The following ZC3H7B variants were observed in gnomAD, a reference collection of about 807,000 sequenced individuals.
ZC3H7B encodes the protein zinc finger CCCH domain-containing protein 7B.
Under a neutral mutation model 116.0 loss-of-function variants are expected in ZC3H7B, and 35 were observed. The observed-to-expected ratio is 0.30, with a 90% CI of 0.23 to 0.40. The LOEUF (loss-of-function observed/expected upper bound fraction) is 0.40. ZC3H7B is among the 10% of genes least tolerant of loss of function. The pLI is 1.00. For missense variants in ZC3H7B, 1,011 were observed against 1,321.5 expected, an observed-to-expected ratio of 0.77 and a Z score of 3.64; for synonymous variants, 502 against 545.6, an observed-to-expected ratio of 0.92 and a Z score of 1.11.
At chr22:41,307,575 A>G (rs1883827) in intron 1 of ZC3H7B, among the ~76,000 whole-genome samples, 50,035 of 152,064 alleles carry the variant, frequency 0.33, 8,770 homozygotes, top group Admixed American at 0.51. Context: ...GCTGAGACAC[A>G]AGCTTGGTGG....
chr22:41,324,820 G>A lies in ZC3H7B; in HGVS notation c.54-744G>A, dbSNP rs1170392500. ...GGACCTGTGGTCTCGGATTTGGTTT[G>A]ATGGGGCGTGGTCCTTCCCAAGGCC... is the stretch of plus-strand genomic sequence containing the variant. On this transcript the variant is annotated intron_variant, in intron 2 of 22. Transcript: ENST00000352645. Among the ~76,000 whole-genome samples the A allele has an allele frequency of 2.0e-5, 3 of 152,180 alleles. No individual in the cohort carries two copies. In the East Asian group the frequency reaches 5.8e-4, roughly 29 times the overall value.
intron 1 of ZC3H7B, among the ~76,000 whole-genome samples, chr22:41,311,068 C>CTTT (rs747090159): frequency 2.3e-5 from 3 of 132,136 alleles, no homozygotes; most frequent in Non-Finnish European, 3.3e-5. Context: ...CCCAGCCTCA[C>CTTT]TTTTTTTTTT....
At chr22:41,309,301 C>T (rs181301093) in intron 1 of ZC3H7B, among the ~76,000 whole-genome samples, 8 of 151,202 alleles carry the variant, frequency 5.3e-5, no homozygotes, top group African/African-American at 7.3e-5. Flanking sequence ...TGAGCCACCG[C>T]GCCCGGCCTG....
intron 11 of ZC3H7B, among the ~76,000 whole-genome samples, chr22:41,341,614 G>A (rs536846392): frequency 6.6e-6 from 1 of 151,892 alleles, no homozygotes; most frequent in East Asian, 1.9e-4. Flanking sequence ...GTGGTGGTGG[G>A]CACCTGTAGT....
In ZC3H7B at chr22:41,351,294, A is replaced by G. The variant is rs1303675071; in HGVS notation, c.1949-267A>G. On this transcript the variant is annotated intron_variant, in intron 16 of 22. Transcript: ENST00000352645. The surrounding 1 kb of genome is among the most constrained non-coding windows in gnomAD (Gnocchi z 5.1). ...ATGGGAGCAGAGGACTCCCTACCAC[A>G]GTACAGAGCCAATATCTTTCTACTG... 1.3e-5 allele frequency among the ~76,000 whole-genome samples: 2 copies of G among 152,200 alleles called. No individual in the cohort carries two copies. Among genetic ancestry groups the G allele is most frequent in the African/African-American group, 4.8e-5 (2 of 41,438 alleles).
chr22:41,319,194 G>A (rs2036221503), intron 1 of ZC3H7B, among the ~76,000 whole-genome samples: 2 of 152,114 alleles, frequency 1.3e-5, no homozygotes, highest in African/African-American at 2.4e-5. Context: ...GAGGTCAGGC[G>A]ATCGAGACCA....
chr22:41,309,042 C>A (rs1457021846), intron 1 of ZC3H7B, among the ~76,000 whole-genome samples: 2 of 104,366 alleles, frequency 1.9e-5, no homozygotes, highest in African/African-American at 6.8e-5. Context: ...GACGGAGTTT[C>A]GCTCTGTCGC....
chr22:41,319,627 A>G (rs1042429558), intron 1 of ZC3H7B, among the ~76,000 whole-genome samples: 3 of 150,712 alleles, frequency 2.0e-5, no homozygotes, highest in African/African-American at 7.3e-5. Flanking sequence ...GAATTATAGC[A>G]CCCTGTCACT....
intron 1 of ZC3H7B, among the ~76,000 whole-genome samples, chr22:41,315,075 G>C (rs1366825327): frequency 6.6e-6 from 1 of 151,804 alleles, no homozygotes; most frequent in Middle Eastern, 3.4e-3. Flanking sequence ...CTTTCAAGAT[G>C]CTCACCTCCC....
At position 41,335,754 on chromosome 22, in the gene ZC3H7B, G is replaced by A. The variant is rs551945317; in HGVS notation, c.583-2559G>A. On this transcript the variant is annotated intron_variant, in intron 7 of 22. Transcript: ENST00000352645. ...GGTGCAGGGTGTTGGTGCAGGTATGGATGGGGGAGTGTACAGTTCCAGGGG... is the reference window on the plus strand; with the variant it reads ...GGTGCAGGGTGTTGGTGCAGGTATGAATGGGGGAGTGTACAGTTCCAGGGG... 8 of 153,196 alleles carry A rather than the reference G, an allele frequency of 5.2e-5. No homozygotes were observed. The South Asian group carries it at 1.7e-3, about 32-fold the overall frequency. The allele number at this position is 153,196 out of a possible 1,614,324, so 9.5% of individuals were successfully genotyped here. A position where few individuals can be genotyped will look rare whatever the true frequency, so the allele number is the denominator to read the frequency against.
At position 41,325,892 on chromosome 22, in the gene ZC3H7B, A is replaced by C; in HGVS notation, c.259A>C (p.Asn87His). ...GGAGCTGCTGTGCAAGCTGCATGTCAATAGGGCCGCCTGCTACTTCACCAT... is the reference window on the plus strand; with the variant it reads ...GGAGCTGCTGTGCAAGCTGCATGTCCATAGGGCCGCCTGCTACTTCACCAT... Reference protein sequence around the residue: ...PRELLCKLHVNRAACYFTMGL... With the variant: ...PRELLCKLHVHRAACYFTMGL... Residue 87 changes from asparagine to histidine, a missense_variant, in exon 4 of 23, where the codon AAT (asparagine) becomes CAT (histidine). Asn to His is a moderately conservative substitution (Grantham distance 68, BLOSUM62 1). Transcript: ENST00000352645. 2 of 1,609,510 alleles carry C rather than the reference A, an allele frequency of 1.2e-6. No individual in the cohort carries two copies. The highest frequency in any genetic ancestry group is 1.7e-6 in the Non-Finnish European group (2 of 1,178,790).
At chr22:41,355,187 C>T (rs573262559) in intron 17 of ZC3H7B, among the ~76,000 whole-genome samples, 29 of 152,282 alleles carry the variant, frequency 1.9e-4, no homozygotes, top group African/African-American at 6.0e-4. Context: ...TGTGGCGGAA[C>T]GGAGCTTTGC....
At chr22:41,339,653 CA>C (rs1174819858) in intron 9 of ZC3H7B, among the ~76,000 whole-genome samples, 162 bp from the exon 10 acceptor site, 1 of 151,698 alleles carries the variant, frequency 6.6e-6, no homozygotes, top group Admixed American at 6.6e-5. Context: ...TGAAGCTGCA[CA>C]ATGTCTGGCC....
chr22:41,307,453 C>T (rs569402136), intron 1 of ZC3H7B, among the ~76,000 whole-genome samples: 1 of 152,196 alleles, frequency 6.6e-6, no homozygotes, highest in Non-Finnish European at 1.5e-5. Flanking sequence ...TGTCTCCCCA[C>T]CGGGCTATGG....
At chr22:41,331,944 G>A (rs2036389041) in intron 6 of ZC3H7B, among the ~76,000 whole-genome samples, 1 of 152,186 alleles carries the variant, frequency 6.6e-6, no homozygotes, top group South Asian at 2.1e-4. Context: ...CAGTAGAGGT[G>A]TGCAGGGAGG....
rs1288766024 is a variant in ZC3H7B, at chr22:41,302,525, G to C, written c.-7+753G>C. 1.3e-5 allele frequency among the ~76,000 whole-genome samples: 2 copies of C among 152,120 alleles called. No homozygotes were observed. The highest frequency in any genetic ancestry group is 2.9e-5 in the Non-Finnish European group (2 of 67,988). ...GACCCCGGCTCTGGCGCCTGGGGAC[G>C]GGGGCGCCCTGACGGGGCTGGGGGC... On this transcript the variant is annotated intron_variant, in intron 1 of 22. Coordinates refer to ENST00000352645, the MANE Select transcript of ZC3H7B (RefSeq NM_017590.6). This position sits in a 1 kb window ranked among gnomAD's most constrained non-coding sequence, Gnocchi z 5.7.
At chr22:41,344,067 T>G (rs572392066) in intron 13 of ZC3H7B, among the ~76,000 whole-genome samples, 1 of 152,230 alleles carries the variant, frequency 6.6e-6, no homozygotes, top group East Asian at 1.9e-4. Flanking sequence ...ACATCCATCA[T>G]GTCCCTGACT....
At chr22:41,311,366 G>A (rs2036116847) in intron 1 of ZC3H7B, among the ~76,000 whole-genome samples, 1 of 152,008 alleles carries the variant, frequency 6.6e-6, no homozygotes, top group African/African-American at 2.4e-5. Flanking sequence ...AGGGAATAAT[G>A]GAAGAGGAGT....
At chr22:41,345,377 G>A (rs1436891313) in intron 13 of ZC3H7B, among the ~76,000 whole-genome samples, 1 of 152,096 alleles carries the variant, frequency 6.6e-6, no homozygotes, top group South Asian at 2.1e-4. Context: ...CCTGAGGTCG[G>A]GAGTTTGAGA....
Sources: gnomAD v4.1 joint callset for allele counts (sites outside exome capture counted in the v4.1 genomes callset) on GRCh38, gnomAD v4.1.1 for gene constraint, Gnocchi (gnomAD v3.1) non-coding constraint, MANE v1.5 for transcripts, NCBI Gene and HGNC (gene_info 2026-07-23, HGNC 2026-07-21) for gene names.